Variants in TYW1 observed in about 807,000 individuals in gnomAD.
TYW1 encodes the protein S-adenosyl-L-methionine-dependent tRNA 4-demethylwyosine synthase TYW1.
A neutral mutation model predicts 96.2 loss-of-function variants in TYW1; 46 were observed. The ratio of observed to expected loss-of-function variants is 0.48; its 90% CI spans 0.38 to 0.61. The LOEUF is 0.61. Among genes scored for constraint, TYW1 ranks in the 20% least tolerant of loss-of-function variants. The probability of loss-of-function intolerance (pLI) is 0.00; values close to 1 mark genes in which losing one functional copy is unlikely to be tolerated. For synonymous variants in TYW1, 274 were observed against 323.0 expected, an observed-to-expected ratio of 0.85 and a Z score of 1.63; for missense variants, 684 against 909.6, an observed-to-expected ratio of 0.75 and a Z score of 3.19.
chr7:67,147,095 GCAGA>G (rs1403886849), intron 13 of TYW1, among the ~76,000 whole-genome samples: 1 of 152,182 alleles, frequency 6.6e-6, no homozygotes, highest in African/African-American at 2.4e-5. Flanking sequence ...GGTTCTTTTA[GCAGA>G]GCAGAGTCAG....
intron 15 of TYW1, among the ~76,000 whole-genome samples, chr7:67,223,044 T>C (rs1801448730): frequency 6.6e-6 from 1 of 152,166 alleles, no homozygotes; most frequent in Non-Finnish European, 1.5e-5. Context: ...AGGTTTTCTA[T>C]GCCTATTGAT....
At chr7:67,183,522 A>G (rs1475404110) in intron 14 of TYW1, among the ~76,000 whole-genome samples, 1 of 152,194 alleles carries the variant, frequency 6.6e-6, no homozygotes, top group Admixed American at 6.5e-5. Flanking sequence ...TGACATGAAT[A>G]TGCTGAGAAA....
Position 67,017,876 on chromosome 7 carries a change from G to T in TYW1, c.594G>T (p.Trp198Cys), listed in dbSNP as rs1330229831. 6.2e-7 allele frequency: 1 copy of T among 1,612,862 alleles called. No individual in the cohort carries two copies. Among genetic ancestry groups the T allele is most frequent in the African/African-American group, 1.3e-5 (1 of 74,902 alleles). The change falls in exon 6 of 16, where the codon TGG becomes TGT. Residue 198 changes from tryptophan to cysteine, a missense_variant. Transcript: ENST00000359626. ...AGGTTGGCAAAAATGTTGACAAGTG[G>T]CTCTGGATGCTTGGCGCGCATCGTG... ...FNKVGKNVDK[W>C]LWMLGAHRVM...
intron 11 of TYW1, among the ~76,000 whole-genome samples, chr7:67,094,656 G>GTGTA (rs1402653014): frequency 8.8e-6 from 1 of 113,404 alleles, no homozygotes; most frequent in East Asian, 2.3e-4. Context: ...ATTAGAGTGT[G>GTGTA]TGTGTGTGTG....
chr7:67,131,035 C>G (rs2690191), intron 13 of TYW1, among the ~76,000 whole-genome samples: 41,558 of 151,354 alleles, frequency 0.27, 6,535 homozygotes, highest in African/African-American at 0.43. Context: ...AGTATTTGGT[C>G]AATGAGCAAA....
chr7:67,078,624 G>A (rs1796283412), intron 10 of TYW1, among the ~76,000 whole-genome samples: 1 of 151,972 alleles, frequency 6.6e-6, no homozygotes, highest in Non-Finnish European at 1.5e-5. Flanking sequence ...ATGGAGATGG[G>A]GTATCTTTCC....
chr7:67,132,717 C>T (rs554161545), intron 13 of TYW1, among the ~76,000 whole-genome samples: 1 of 152,118 alleles, frequency 6.6e-6, no homozygotes, highest in Non-Finnish European at 1.5e-5. Flanking sequence ...ATAGTAGCCT[C>T]CCTCATTTCT....
intron 13 of TYW1, among the ~76,000 whole-genome samples, chr7:67,146,024 G>A (rs547433259): frequency 2.4e-4 from 37 of 152,114 alleles, no homozygotes; most frequent in Admixed American, 7.9e-4. Flanking sequence ...CCTGGACTTC[G>A]CAAAGTACTG....
At chr7:67,152,439 G>T (rs35470341) in intron 13 of TYW1, among the ~76,000 whole-genome samples, 38,832 of 151,014 alleles carry the variant, frequency 0.26, 5,440 homozygotes, top group African/African-American at 0.38. Flanking sequence ...TGCTCTCATT[G>T]TTTTTTTCTT....
rs149870982 is a variant in TYW1 at position 67,169,910 on chromosome 7, C to A, written c.1699-13216C>A. Among the ~76,000 whole-genome samples the A allele has an allele frequency of 2.1e-3, 318 of 152,226 alleles. 12 individuals carry two copies. In the East Asian group the frequency reaches 0.059, roughly 28 times the overall value. On this transcript the variant is annotated intron_variant, in intron 13 of 15. Transcript: ENST00000359626. ...AAAATTGCTGGGTCATATAGTAATT[C>A]TATATTTAACTTTTTCAGGAGCTGC...
chr7:67,106,367 C>G (rs1563016589), intron 12 of TYW1, among the ~76,000 whole-genome samples: 1 of 152,208 alleles, frequency 6.6e-6, no homozygotes, highest in Non-Finnish European at 1.5e-5. Context: ...TTCAGCTTTG[C>G]AGTCCTAGAG....
Position 67,195,165 on chromosome 7 carries a change from C to T in TYW1, c.1810-5C>T. 6.2e-7 allele frequency: 1 copy of T among 1,613,550 alleles called. No homozygotes were observed. Among genetic ancestry groups the T allele is most frequent in the Non-Finnish European group, 8.5e-7 (1 of 1,179,784 alleles). On this transcript the variant is annotated splice_region_variant and splice_polypyrimidine_tract_variant and intron_variant, in intron 14 of 15. Transcript: ENST00000359626. Reference sequence around the variant, plus strand: ...TCATCTCTGATGGTTATACTGTTTCCACAGGGCGTTACCTACTGCGGAGAA... The same window carrying T: ...TCATCTCTGATGGTTATACTGTTTCTACAGGGCGTTACCTACTGCGGAGAA...
At chr7:67,099,036 T>A (rs1237439512) in intron 12 of TYW1, among the ~76,000 whole-genome samples, 2 of 151,450 alleles carry the variant, frequency 1.3e-5, no homozygotes, top group African/African-American at 4.8e-5. Flanking sequence ...TTATTATTTT[T>A]TTTTTTTGAG....
chr7:67,103,440 C>T (rs1387754939), intron 12 of TYW1, among the ~76,000 whole-genome samples: 8 of 152,156 alleles, frequency 5.3e-5, no homozygotes, highest in African/African-American at 1.4e-4. Flanking sequence ...GATATTATGA[C>T]GTGTCATAAA....
chr7:67,133,504 C>T (rs992033851), intron 13 of TYW1, among the ~76,000 whole-genome samples: 16 of 151,862 alleles, frequency 1.1e-4, no homozygotes, highest in East Asian at 5.8e-4. Context: ...TCGAGACCAT[C>T]CTGACCAACA....
chr7:67,063,880 C>T (rs1390951149), intron 9 of TYW1, among the ~76,000 whole-genome samples: 3 of 152,006 alleles, frequency 2.0e-5, no homozygotes, highest in East Asian at 1.9e-4. Context: ...GGATTACAGG[C>T]GTGAGCCACT....
At chr7:67,088,566 T>C (rs1281791378) in intron 11 of TYW1, among the ~76,000 whole-genome samples, 3 of 152,150 alleles carry the variant, frequency 2.0e-5, no homozygotes, top group Non-Finnish European at 4.4e-5. Context: ...TAATTTCAAC[T>C]GAAAAAGACC....
chr7:67,056,563 TAAACTC>T (rs1260539568), intron 9 of TYW1, among the ~76,000 whole-genome samples: 3 of 152,112 alleles, frequency 2.0e-5, no homozygotes, highest in South Asian at 4.1e-4. Context: ...ACTGGCTTCT[TAAACTC>T]AACATATTTT....
chr7:67,117,733 A>G, intron 13 of TYW1, 115 bp downstream of exon 13: 2 of 1,293,378 alleles, frequency 1.5e-6, no homozygotes, highest in Non-Finnish European at 2.0e-6. Flanking sequence ...TTTCTCTTTA[A>G]AATAAAAAAA....
Sources: allele counts gnomAD v4.1 joint callset (sites outside exome capture counted in the v4.1 genomes callset), GRCh38; gene constraint gnomAD v4.1.1; transcripts MANE v1.5; gene names NCBI Gene and HGNC (gene_info 2026-07-23, HGNC 2026-07-21).